The following TNIK variants were observed in gnomAD, a reference collection of about 807,000 sequenced individuals.
TNIK encodes TRAF2 and NCK-interacting protein kinase.
In TNIK, 49 loss-of-function variants were observed where a neutral mutation model predicts 191.3. The observed-to-expected ratio is 0.26, with a 90% confidence interval of 0.20 to 0.32. The LOEUF (loss-of-function observed/expected upper bound fraction) is 0.32. Ranked by LOEUF, TNIK falls within the 10% of genes least tolerant of loss-of-function variation. The pLI, the probability that TNIK is intolerant of heterozygous loss-of-function variation, is 1.00. For missense variants in TNIK, 1,155 were observed against 1,702.3 expected (o/e 0.68, Z 5.66); for synonymous variants, 594 against 600.9 (o/e 0.99, Z 0.17).
intron 1 of TNIK, among the ~76,000 whole-genome samples, chr3:171,372,498 C>A (rs892696111): frequency 1.3e-5 from 2 of 152,180 alleles, no homozygotes; most frequent in African/African-American, 4.8e-5. Context: ...AAAGGAAGAG[C>A]TGAACTGAAA....
intron 1 of TNIK, among the ~76,000 whole-genome samples, chr3:171,372,570 G>T (rs1002334881): frequency 6.6e-6 from 1 of 152,214 alleles, no homozygotes; most frequent in African/African-American, 2.4e-5. Flanking sequence ...CAGCCCTGGA[G>T]AATTATCCTA....
intron 2 of TNIK, among the ~76,000 whole-genome samples, chr3:171,320,590 A>G (rs765423984): frequency 6.6e-6 from 1 of 151,762 alleles, no homozygotes; most frequent in Non-Finnish European, 1.5e-5. Flanking sequence ...CATCATCAAG[A>G]TGTCTTTCTC....
chr3:171,274,609 T>G (rs542354410), intron 2 of TNIK, among the ~76,000 whole-genome samples: 1 of 152,350 alleles, frequency 6.6e-6, no homozygotes, highest in Admixed American at 6.5e-5. Flanking sequence ...AAGGTTAAAT[T>G]GGCAGGCCAA....
At chr3:171,160,062 G>A (rs117609212) in intron 11 of TNIK, among the ~76,000 whole-genome samples, 3 of 152,338 alleles carry the variant, frequency 2.0e-5, no homozygotes, top group East Asian at 1.9e-4. Flanking sequence ...CAACTTCTCT[G>A]AAAGCAGGGC....
rs535567185 is a variant in TNIK at position 171,418,030 on chromosome 3, T to C, written c.57+41977A>G. ...TACATGTGTGGTCTGGGTCCAGCCA[T>C]GACCCAGCTGTACAATCCTGGGAAG... On this transcript the variant is annotated intron_variant, in intron 1 of 32. Transcript: ENST00000436636. Among the ~76,000 whole-genome samples, 5 of 152,306 alleles carry C rather than the reference T, an allele frequency of 3.3e-5. No individual in the cohort carries two copies. In the South Asian group the frequency reaches 6.2e-4, roughly 19 times the overall value.
At chr3:171,281,674 A>G (rs189679466) in intron 2 of TNIK, among the ~76,000 whole-genome samples, 8 of 152,236 alleles carry the variant, frequency 5.3e-5, no homozygotes, top group African/African-American at 9.6e-5. Context: ...CCAAGTATAC[A>G]TTATTTTGCT....
chr3:171,206,338 T>C (rs1403771047), intron 4 of TNIK, among the ~76,000 whole-genome samples: 3 of 146,952 alleles, frequency 2.0e-5, no homozygotes, highest in African/African-American at 7.4e-5. Flanking sequence ...TGTTCGTGTA[T>C]ATATATATAT....
At chr3:171,384,619 A>T (rs1406732997) in intron 1 of TNIK, among the ~76,000 whole-genome samples, 1 of 152,260 alleles carries the variant, frequency 6.6e-6, no homozygotes, top group Non-Finnish European at 1.5e-5. Flanking sequence ...TCACTAAATG[A>T]GGAAATGACT....
At chr3:171,364,829 C>A (rs1173244023) in intron 2 of TNIK, among the ~76,000 whole-genome samples, 1 of 150,404 alleles carries the variant, frequency 6.6e-6, no homozygotes, top group Non-Finnish European at 1.5e-5. Context: ...AAGGAGCCAG[C>A]CATGAGAGGG....
chr3:171,126,961 C>T (rs1728563981), intron 16 of TNIK, among the ~76,000 whole-genome samples: 1 of 152,202 alleles, frequency 6.6e-6, no homozygotes, highest in African/African-American at 2.4e-5. Context: ...TTTGCCATAG[C>T]ACTGCTCACA....
intron 1 of TNIK, among the ~76,000 whole-genome samples, chr3:171,415,080 T>C (rs1722886076): frequency 6.6e-6 from 1 of 152,178 alleles, no homozygotes; most frequent in South Asian, 2.1e-4. Flanking sequence ...ACCCGCTGCC[T>C]GGCTCTTTCT....
At chr3:171,139,364 A>G in intron 14 of TNIK, 106 bp downstream of exon 14, 1 of 926,858 alleles carries the variant, frequency 1.1e-6, no homozygotes, top group Non-Finnish European at 1.7e-6. Context: ...TGTTAGAAGG[A>G]CACACGCACG....
intron 1 of TNIK, among the ~76,000 whole-genome samples, chr3:171,413,682 T>C (rs1194168956): frequency 6.6e-6 from 1 of 152,212 alleles, no homozygotes; most frequent in African/African-American, 2.4e-5. Flanking sequence ...TTCTACATAA[T>C]TTACTACTAT....
At chr3:171,316,572 A>G (rs1439881070) in intron 2 of TNIK, among the ~76,000 whole-genome samples, 1 of 152,144 alleles carries the variant, frequency 6.6e-6, no homozygotes. Context: ...TGGAGCAAAG[A>G]GTATCTAAAG....
At chr3:171,456,501 T>C (rs1165251820) in intron 1 of TNIK, among the ~76,000 whole-genome samples, 3 of 152,196 alleles carry the variant, frequency 2.0e-5, no homozygotes, top group Non-Finnish European at 2.9e-5. Flanking sequence ...TCTATAAACC[T>C]CACATGCAGA....
intron 2 of TNIK, among the ~76,000 whole-genome samples, chr3:171,339,057 C>A (rs751614287): frequency 6.6e-6 from 1 of 152,216 alleles, no homozygotes; most frequent in Non-Finnish European, 1.5e-5. Flanking sequence ...CTTTAACAAA[C>A]CTTTATTAAC....
intron 1 of TNIK, among the ~76,000 whole-genome samples, chr3:171,414,057 T>C (rs1403823134): frequency 1.3e-5 from 2 of 152,160 alleles, no homozygotes; most frequent in African/African-American, 4.8e-5. Flanking sequence ...CATCTATCCA[T>C]CCATCCACCC....
intron 12 of TNIK, among the ~76,000 whole-genome samples, chr3:171,148,390 C>T (rs1731934591): frequency 6.6e-6 from 1 of 152,192 alleles, no homozygotes; most frequent in Non-Finnish European, 1.5e-5. Flanking sequence ...GTCTCTGAGC[C>T]TCAGTTTCTC....
At chr3:171,239,756 T>C (rs1004389552) in intron 2 of TNIK, among the ~76,000 whole-genome samples, 8 of 152,220 alleles carry the variant, frequency 5.3e-5, no homozygotes, top group African/African-American at 1.9e-4. Context: ...TACATATTCA[T>C]AATCCTTCAA....
Sources: allele counts gnomAD v4.1 joint callset (sites outside exome capture counted in the v4.1 genomes callset), GRCh38; gene constraint gnomAD v4.1.1; transcripts MANE v1.5; gene names NCBI Gene and HGNC (gene_info 2026-07-23, HGNC 2026-07-21).